KIF21B: variants seen among roughly 807,000 people sequenced by gnomAD.
KIF21B encodes the protein kinesin family member 21B.
Under a neutral mutation model 192.9 loss-of-function variants are expected in KIF21B, and 85 were observed. The ratio of observed to expected loss-of-function variants is 0.44; its 90% CI spans 0.37 to 0.53. The LOEUF is 0.53. KIF21B is among the 20% of genes least tolerant of loss of function. The probability of loss-of-function intolerance (pLI) is 0.00; values close to 1 mark genes in which losing one functional copy is unlikely to be tolerated. For synonymous variants in KIF21B, 832 were observed against 884.6 expected (o/e 0.94, Z 1.05); for missense variants, 1,716 against 2,194.8 (o/e 0.78, Z 4.36).
chr1:200,975,353 A>T lies in KIF21B; in HGVS notation c.4614+146T>A. On this transcript the variant is annotated intron_variant, in intron 33 of 34. Transcript: ENST00000461742. The surrounding 1 kb of genome is among the most constrained non-coding windows in gnomAD (Gnocchi z 4.3). Reference sequence around the variant, plus strand: ...AAGGGAGGATGGAGACAGAGGAGGAAGAGGGAGAACAGGAGGGCTTGGGGA... The same window carrying T: ...AAGGGAGGATGGAGACAGAGGAGGATGAGGGAGAACAGGAGGGCTTGGGGA... 1 of 688,186 alleles carries T rather than the reference A, an allele frequency of 1.5e-6. No individual in the cohort carries two copies. Among genetic ancestry groups the T allele is most frequent in the Non-Finnish European group, 2.5e-6 (1 of 407,018 alleles). The allele number at this position is 688,186 out of a possible 1,614,324, so 42.6% of individuals were successfully genotyped here. A position where few individuals can be genotyped will look rare whatever the true frequency, so the allele number is the denominator to read the frequency against.
In KIF21B at chr1:200,981,096, C is replaced by T. The variant is rs1655887814; in HGVS notation, c.3843G>A (p.Arg1281=). 6.3e-7 allele frequency: 1 copy of T among 1,587,764 alleles called. No individual in the cohort carries two copies. Among genetic ancestry groups the T allele is most frequent in the Non-Finnish European group, 8.5e-7 (1 of 1,171,480 alleles). The stretch of plus-strand genomic sequence containing the variant: ...CTCCTCCAACCGGGGAGATGATGCC[C>T]CTTCCCGGGAGAGAGGGAGAGAAGG... The part of the protein sequence containing the change: ...DSDSSLSEVL[R]GIISPVGGAK... Residue 1281 remains arginine (R), a splice_region_variant and synonymous_variant, in exon 29 of 35, where the codon AGG becomes AGA. Coordinates refer to ENST00000461742, the MANE Select transcript of KIF21B (RefSeq NM_001252102.2).
At chr1:201,001,602 A>T (rs1368769863) in intron 9 of KIF21B, 2 of 153,742 alleles carry the variant, frequency 1.3e-5, no homozygotes, top group African/African-American at 4.8e-5. Flanking sequence ...GCTGGTCTCA[A>T]ACTCCTGGGT....
chr1:200,992,517 G>GC, intron 15 of KIF21B, 128 bp from the exon 16 acceptor site: 1 of 936,158 alleles, frequency 1.1e-6, no homozygotes, highest in South Asian at 1.4e-5. Context: ...CTGGCTCAGG[G>GC]CCTGGGGGTC....
Position 200,988,799 on chromosome 1 carries a change from C to T in KIF21B, c.3265G>A (p.Glu1089Lys), listed in dbSNP as rs1278393159. The change falls in exon 22 of 35, where the codon GAG (glutamate) becomes AAG (lysine). Residue 1089 changes from glutamate to lysine, a missense_variant. Physicochemically the swap from Glu to Lys is moderately conservative, Grantham distance 56. Coordinates refer to ENST00000461742, the MANE Select transcript of KIF21B (RefSeq NM_001252102.2). ...ACATTGTAGATGAGGGCCTGCAGCT[C>T]GGGGTGAGCTTCAGCCTTCTCACGC... Reference protein sequence around the residue: ...ALREKAEAHPELQALIYNVQQ... With the variant: ...ALREKAEAHPKLQALIYNVQQ... The T allele has an allele frequency of 5.6e-6, 9 of 1,613,674 alleles. No homozygotes were observed. Among genetic ancestry groups the T allele is most frequent in the East Asian group, 2.2e-5 (1 of 44,896 alleles).
chr1:201,005,505 G>A, intron 4 of KIF21B, 40 bp downstream of exon 4: 1 of 1,599,340 alleles, frequency 6.3e-7, no homozygotes. Context: ...GCCCTTTCAG[G>A]ATGCCCTGGA....
In KIF21B at chr1:200,990,138, C is replaced by T. The variant is rs148515864; in HGVS notation, c.3030G>A (p.Lys1010=). 293 of 1,612,894 alleles carry T rather than the reference C, an allele frequency of 1.8e-4. No homozygotes were observed. The highest frequency in any genetic ancestry group is 5.5e-4 in the Admixed American group (33 of 59,968). ...CCAGCAGGCCCAGCCCTGCGGATAC[C>T]TTGGTCTCCTCCAGCTGCACGATGG... ...QATIVQLEET[K]EELDSTDTSV... The change falls in exon 20 of 35, where the codon AAG becomes AAA. Residue 1010 remains lysine, a splice_region_variant and synonymous_variant. Coordinates refer to ENST00000461742, the MANE Select transcript of KIF21B (RefSeq NM_001252102.2). The surrounding 1 kb of genome is among the most constrained non-coding windows in gnomAD (Gnocchi z 5.4).
At chr1:200,974,158 T>G in intron 34 of KIF21B, 1 of 1,576,990 alleles carries the variant, frequency 6.3e-7, no homozygotes, top group East Asian at 2.3e-5. Flanking sequence ...AGGGGGTGAG[T>G]CCAGGGACGT....
chr1:201,003,403 C>T, intron 8 of KIF21B, 183 bp downstream of exon 8: 1 of 654,036 alleles, frequency 1.5e-6, no homozygotes, highest in Non-Finnish European at 2.7e-6. Context: ...ATGGGTGAGT[C>T]CCTAATAGTA....
chr1:200,976,230 A>G (rs1028450481), intron 32 of KIF21B, among the ~76,000 whole-genome samples: 2 of 152,090 alleles, frequency 1.3e-5, no homozygotes, highest in Admixed American at 1.3e-4. Context: ...AGCTGGGACT[A>G]CAGGCGCCCG....
chr1:200,977,370 C>T lies in KIF21B; in HGVS notation c.4167G>A (p.Ser1389=), dbSNP rs753892170. 1.5e-5 allele frequency: 25 copies of T among 1,613,710 alleles called. No homozygotes were observed. Among genetic ancestry groups the T allele is most frequent in the Admixed American group, 3.3e-5 (2 of 60,000 alleles). Residue 1389 remains serine (S), a synonymous_variant, in exon 31 of 35, where the codon TCG becomes TCA. Coordinates refer to ENST00000461742, the MANE Select transcript of KIF21B (RefSeq NM_001252102.2). The stretch of plus-strand genomic sequence containing the variant: ...AGGCATCCCCTGAGATCACCTGGCC[C>T]GAGGACCTGCCCATCGGAGAAAGGC... ...SAKCIRTLTS[S]GQVISGDACA...
Position 201,017,288 on chromosome 1 carries a change from G to A in KIF21B, c.41+6055C>T, listed in dbSNP as rs1053399798. ...GAAAGAAGGGGCCAGTCCCTGTCCT[G>A]AGTTGGATATATCCCCAGCCTGCCA... On this transcript the variant is annotated intron_variant, in intron 1 of 34. Coordinates refer to ENST00000461742, the MANE Select transcript of KIF21B (RefSeq NM_001252102.2). This position sits in a 1 kb window ranked among gnomAD's most constrained non-coding sequence, Gnocchi z 4.1. Among the ~76,000 whole-genome samples, 2 of 152,316 alleles carry A rather than the reference G, an allele frequency of 1.3e-5. No individual in the cohort carries two copies. The highest frequency in any genetic ancestry group is 2.4e-5 in the African/African-American group (1 of 41,564).
rs745974513 is a variant in KIF21B at position 200,980,976 on chromosome 1, T to G, written c.3963A>C (p.Leu1321=). Residue 1321 remains leucine, a synonymous_variant, in exon 29 of 35, where the codon CTA becomes CTC. Coordinates refer to ENST00000461742, the MANE Select transcript of KIF21B (RefSeq NM_001252102.2). Reference sequence around the variant, plus strand: ...TCCACATACCTTTGGACCCTGTGAATAGCAACTCATCTGTGGCATCCAGGC... The same window carrying G: ...TCCACATACCTTTGGACCCTGTGAAGAGCAACTCATCTGTGGCATCCAGGC... ...ILCLDATDEL[L]FTGSKDRSCK... The G allele has an allele frequency of 1.2e-6, 2 of 1,611,866 alleles. No individual in the cohort carries two copies. The highest frequency in any genetic ancestry group is 1.7e-6 in the Non-Finnish European group (2 of 1,179,118).
intron 26 of KIF21B, 35 bp from the exon 27 acceptor site, chr1:200,985,007 A>G (rs1409204637): frequency 6.7e-7 from 1 of 1,498,438 alleles, no homozygotes; most frequent in Non-Finnish European, 9.2e-7. Flanking sequence ...CCTGTTAGTG[A>G]CCACCCCTGC....
Position 200,988,448 on chromosome 1 carries a change from G to T in KIF21B, c.3350+45C>A, listed in dbSNP as rs1010593106. The T allele has an allele frequency of 3.1e-6, 5 of 1,608,790 alleles. No homozygotes were observed. In the African/African-American group the frequency reaches 4.0e-5, roughly 13 times the overall value. Reference sequence around the variant, plus strand: ...TGGCAACTCCTCCCACCAGCCCCAGGTACATGCTGTGAGCCAGCCTCTCAC... The same window carrying T: ...TGGCAACTCCTCCCACCAGCCCCAGTTACATGCTGTGAGCCAGCCTCTCAC... On this transcript the variant is annotated intron_variant, in intron 23 of 34. Transcript: ENST00000461742.
rs748272217 is a variant in KIF21B, at chr1:201,017,535, C to T, written c.41+5808G>A. 4.6e-5 allele frequency among the ~76,000 whole-genome samples: 7 copies of T among 152,236 alleles called. No individual in the cohort carries two copies. The highest frequency in any genetic ancestry group is 1.3e-4 in the Admixed American group (2 of 15,290). On this transcript the variant is annotated intron_variant, in intron 1 of 34. Coordinates refer to ENST00000461742, the MANE Select transcript of KIF21B (RefSeq NM_001252102.2). The surrounding 1 kb of genome is among the most constrained non-coding windows in gnomAD (Gnocchi z 4.1). Reference sequence around the variant, plus strand: ...CAGGAGACGCTGCAGAGTCAGGCTTCGCCCAGAGCCCAGAGCTGTGACGGT... The same window carrying T: ...CAGGAGACGCTGCAGAGTCAGGCTTTGCCCAGAGCCCAGAGCTGTGACGGT...
intron 1 of KIF21B, among the ~76,000 whole-genome samples, chr1:201,022,527 C>T (rs1658902022): frequency 6.6e-6 from 1 of 152,226 alleles, no homozygotes; most frequent in Admixed American, 6.5e-5. Context: ...GCATTTCCTG[C>T]TCCTGCACCT....
chr1:201,010,760 C>T (rs1014543481), intron 1 of KIF21B, among the ~76,000 whole-genome samples: 2 of 152,218 alleles, frequency 1.3e-5, no homozygotes, highest in African/African-American at 2.4e-5. Context: ...GCCTCCAAGT[C>T]GCCACCCTGT....
In KIF21B at chr1:200,988,548, TGGGAGGGC is replaced by T; in HGVS notation, c.3299-12_3299-5del. On this transcript the variant is annotated splice_polypyrimidine_tract_variant and splice_region_variant and intron_variant, in intron 22 of 34. Transcript: ENST00000461742. ...TCTGTGCTGGCGTAGCCATTCTCTG[TGGGAGGGC>T]GGGAGGGAGGGAAAGGGGTTGAGAA... The T allele has an allele frequency of 1.7e-5, 6 of 354,926 alleles. No individual in the cohort carries two copies. Among genetic ancestry groups the T allele is most frequent in the Non-Finnish European group, 2.8e-5 (6 of 210,820 alleles). 22.0% of individuals were successfully genotyped at this position (354,926 alleles called of 1,614,324 possible).
chr1:200,977,427 A>G (rs1655632705), intron 30 of KIF21B, 51 bp from the exon 31 acceptor site: 1 of 1,573,128 alleles, frequency 6.4e-7, no homozygotes, highest in Admixed American at 1.8e-5. Flanking sequence ...CCATGTGCAC[A>G]GTGCAGGAAA....
Sources: allele counts gnomAD v4.1 joint callset (sites outside exome capture counted in the v4.1 genomes callset), GRCh38; gene constraint gnomAD v4.1.1; non-coding constraint Gnocchi (gnomAD v3.1); transcripts MANE v1.5; gene names NCBI Gene and HGNC (gene_info 2026-07-23, HGNC 2026-07-21).